PTPRT: variants seen among roughly 807,000 people sequenced by gnomAD.
PTPRT encodes the protein receptor-type tyrosine-protein phosphatase T.
PTPRT carries 56 observed loss-of-function variants against 176.8 expected under a neutral mutation model. The observed-to-expected ratio is 0.32, with a 90% confidence interval of 0.26 to 0.40. The LOEUF is 0.40. Ranked by LOEUF, PTPRT falls within the 10% of genes least tolerant of loss-of-function variation. The pLI, the probability that PTPRT is intolerant of heterozygous loss-of-function variation, is 1.00. For synonymous variants in PTPRT, 783 were observed against 739.0 expected (o/e 1.06, Z -0.96); for missense variants, 1,540 against 1,908.2 (o/e 0.81, Z 3.60).
chr20:42,710,886 T>C (rs780128188), intron 6 of PTPRT, among the ~76,000 whole-genome samples: 2 of 152,232 alleles, frequency 1.3e-5, no homozygotes, highest in Non-Finnish European at 2.9e-5. Flanking sequence ...CCCAAGGCCT[T>C]GGGAGCCCAC....
At position 42,159,734 on chromosome 20, in the gene PTPRT, G is replaced by A. The variant is rs543120489; in HGVS notation, c.2682+1618C>T. On this transcript the variant is annotated intron_variant, in intron 17 of 30. Coordinates refer to ENST00000373187, the MANE Select transcript of PTPRT (RefSeq NM_007050.6). ...AAGCTTGTAATTACTTACATCCATT[G>A]ACATAAACATTTTTGTTCTTATAAA... is the stretch of plus-strand genomic sequence containing the variant. 2.1e-3 allele frequency among the ~76,000 whole-genome samples: 319 copies of A among 152,230 alleles called. 15 individuals are homozygous for A. In the South Asian group the frequency reaches 0.064, roughly 31 times the overall value.
the PTPRT span, among the ~76,000 whole-genome samples, chr20:42,064,259 G>GT: frequency 6.6e-6 from 1 of 152,060 alleles, no homozygotes; most frequent in African/African-American, 2.4e-5. Context: ...CTTTAAAATT[G>GT]TTTTTTCCAG....
chr20:42,185,403 A>G (rs1990737053), intron 16 of PTPRT, among the ~76,000 whole-genome samples: 1 of 152,140 alleles, frequency 6.6e-6, no homozygotes, highest in Non-Finnish European at 1.5e-5. Context: ...CCTATGATTG[A>G]AGGACTAATT....
intron 7 of PTPRT, among the ~76,000 whole-genome samples, chr20:42,562,319 G>A (rs542490047): frequency 6.6e-6 from 1 of 152,138 alleles, no homozygotes; most frequent in East Asian, 1.9e-4. Context: ...GAGTAGTTTT[G>A]CCTGTTTGTG....
intron 12 of PTPRT, among the ~76,000 whole-genome samples, chr20:42,306,475 T>A (rs1195534446): frequency 6.6e-6 from 1 of 152,164 alleles, no homozygotes; most frequent in East Asian, 1.9e-4. Context: ...GTTTACCCGA[T>A]TGAGATTTTC....
intron 1 of PTPRT, among the ~76,000 whole-genome samples, chr20:42,986,733 A>G (rs561972287): frequency 2.0e-5 from 3 of 152,232 alleles, no homozygotes; most frequent in Non-Finnish European, 2.9e-5. Context: ...AACTCCTACA[A>G]GGTAGATAGT....
intron 7 of PTPRT, among the ~76,000 whole-genome samples, chr20:42,560,935 T>G (rs532350097): frequency 6.6e-6 from 1 of 152,242 alleles, no homozygotes; most frequent in South Asian, 2.1e-4. Flanking sequence ...CCCTCCACTC[T>G]CCACCCCCAG....
intron 7 of PTPRT, among the ~76,000 whole-genome samples, chr20:42,618,702 CTTT>C (rs750234280): frequency 6.9e-5 from 9 of 131,364 alleles, no homozygotes; most frequent in Admixed American, 5.2e-4. Context: ...TAATGGCCTT[CTTT>C]GTCTCTTTTG....
intron 1 of PTPRT, among the ~76,000 whole-genome samples, chr20:43,135,315 G>A (rs998842420): frequency 3.3e-5 from 5 of 152,312 alleles, no homozygotes; most frequent in African/African-American, 1.2e-4. Context: ...TTACAAAAAC[G>A]TGAACACACA....
chr20:42,704,214 G>T (rs568716077), intron 6 of PTPRT, among the ~76,000 whole-genome samples: 1 of 151,908 alleles, frequency 6.6e-6, no homozygotes, highest in East Asian at 1.9e-4. Context: ...TCATAGAATT[G>T]TCCCCACTTC....
intron 7 of PTPRT, among the ~76,000 whole-genome samples, chr20:42,500,697 C>A (rs1340690372): frequency 6.6e-6 from 1 of 152,064 alleles, no homozygotes. Flanking sequence ...TCATATTTAT[C>A]ATTTATTATG....
chr20:42,210,942 A>G (rs2146734401), intron 15 of PTPRT, among the ~76,000 whole-genome samples: 1 of 151,372 alleles, frequency 6.6e-6, no homozygotes, highest in East Asian at 1.9e-4. Flanking sequence ...TGGTACCAAA[A>G]CAGAGATATA....
At chr20:42,387,827 T>C (rs1568835736) in intron 9 of PTPRT, among the ~76,000 whole-genome samples, 1 of 149,786 alleles carries the variant, frequency 6.7e-6, no homozygotes, top group Non-Finnish European at 1.5e-5. Context: ...AGTCTCGCCC[T>C]GTCGCCCAGA....
intron 16 of PTPRT, among the ~76,000 whole-genome samples, chr20:42,190,468 G>A (rs1039577313): frequency 6.6e-6 from 1 of 152,156 alleles, no homozygotes; most frequent in South Asian, 2.1e-4. Flanking sequence ...AGGGAGGTGA[G>A]CTAGAGCCTT....
chr20:42,311,210 C>G (rs1371741889), intron 12 of PTPRT, among the ~76,000 whole-genome samples: 1 of 152,162 alleles, frequency 6.6e-6, no homozygotes, highest in Non-Finnish European at 1.5e-5. Flanking sequence ...GCATTCTCAG[C>G]ACTCAGAAAA....
intron 1 of PTPRT, among the ~76,000 whole-genome samples, chr20:43,068,735 C>A (rs1462123873): frequency 4.6e-5 from 7 of 152,018 alleles, no homozygotes; most frequent in Non-Finnish European, 1.5e-5. Flanking sequence ...TAGAAAATCC[C>A]AATAACTACA....
At chr20:42,400,027 T>C (rs2058890114) in intron 9 of PTPRT, among the ~76,000 whole-genome samples, 2 of 152,166 alleles carry the variant, frequency 1.3e-5, no homozygotes, top group African/African-American at 4.8e-5. Flanking sequence ...CACAGCCTGG[T>C]CCACTTTGAA....
chr20:42,493,065 C>T (rs745781429), intron 7 of PTPRT, among the ~76,000 whole-genome samples: 2 of 152,118 alleles, frequency 1.3e-5, no homozygotes, highest in Non-Finnish European at 2.9e-5. Context: ...CAAAAACAAC[C>T]ATAATTTGCA....
At chr20:42,485,387 GC>G (rs2068649766) in intron 7 of PTPRT, among the ~76,000 whole-genome samples, 1 of 152,164 alleles carries the variant, frequency 6.6e-6, no homozygotes, top group South Asian at 2.1e-4. Flanking sequence ...CTAGCACTGG[GC>G]CCTGGTGAGG....
Sources: allele counts gnomAD v4.1 joint callset (sites outside exome capture counted in the v4.1 genomes callset), GRCh38; gene constraint gnomAD v4.1.1; transcripts MANE v1.5; gene names NCBI Gene and HGNC (gene_info 2026-07-23, HGNC 2026-07-21).